The following CCDC93 variants were observed in gnomAD, a reference collection of about 807,000 sequenced individuals.
The protein encoded by CCDC93 is coiled-coil domain-containing protein 93.
In CCDC93, 61 loss-of-function variants were observed where a neutral mutation model predicts 108.2. The ratio of observed to expected loss-of-function variants is 0.56; its 90% CI spans 0.46 to 0.70. The LOEUF (loss-of-function observed/expected upper bound fraction) is 0.70, where lower values mean the gene tolerates loss of function less well. Ranked by LOEUF, CCDC93 falls within the 30% of genes least tolerant of loss-of-function variation. CCDC93 has a pLI of 0.00. For synonymous variants in CCDC93, 276 were observed against 260.4 expected, an observed-to-expected ratio of 1.06 and a Z score of -0.58; for missense variants, 685 against 764.2, an observed-to-expected ratio of 0.90 and a Z score of 1.22.
At chr2:118,012,494 A>G (rs1351186541) in intron 1 of CCDC93, 1 of 152,172 alleles carries the variant, frequency 6.6e-6, no homozygotes, top group African/African-American at 2.4e-5. Context: ...TTCCCCCCAG[A>G]AAGACCTCCA....
chr2:117,934,549 G>C (rs993767360), intron 22 of CCDC93: 4 of 153,840 alleles, frequency 2.6e-5, no homozygotes, highest in Non-Finnish European at 5.9e-5. Context: ...CATTCACAGA[G>C]AGATTAATGA....
chr2:117,961,647 A>G (rs1310977460), intron 11 of CCDC93, among the ~76,000 whole-genome samples: 1 of 152,252 alleles, frequency 6.6e-6, no homozygotes, highest in African/African-American at 2.4e-5. Context: ...AGACAGGAAC[A>G]GGTCCGTAAA....
chr2:118,006,548 G>C (rs1676875182), intron 3 of CCDC93, among the ~76,000 whole-genome samples, 174 bp downstream of exon 3: 1 of 152,216 alleles, frequency 6.6e-6, no homozygotes. Context: ...TGATCTAGCT[G>C]TGTGACCTTG....
chr2:117,993,163 G>A (rs555172098), intron 6 of CCDC93, among the ~76,000 whole-genome samples: 6 of 152,260 alleles, frequency 3.9e-5, no homozygotes, highest in Non-Finnish European at 7.4e-5. Context: ...TTGGGAGGCC[G>A]AGGTGGGCGG....
In CCDC93 at chr2:117,986,058, C is replaced by T. The variant is rs765364894; in HGVS notation, c.531G>A (p.Lys177=). The T allele has an allele frequency of 6.2e-7, 1 of 1,607,134 alleles. No homozygotes were observed. The highest frequency in any genetic ancestry group is 1.3e-5 in the African/African-American group (1 of 74,638). Residue 177 remains lysine, a synonymous_variant, in exon 7 of 24, where the codon AAG becomes AAA. Coordinates refer to ENST00000376300, the MANE Select transcript of CCDC93 (RefSeq NM_019044.5). ...GGTGGCGTTTGTATTTCCGACGGGG[C>T]TTGTACACTTCCTAAGTGGATGAGA... ...KTVVDLSEVY[K]PRRKYKRHQG...
chr2:117,936,777 G>A, intron 20 of CCDC93, 38 bp from the exon 21 acceptor site: 1 of 1,574,922 alleles, frequency 6.3e-7, no homozygotes, highest in Non-Finnish European at 8.7e-7. Context: ...TATAAGACAG[G>A]CAAAAAGATT....
At chr2:117,996,672 G>A (rs1182837237) in intron 4 of CCDC93, 1 of 209,776 alleles carries the variant, frequency 4.8e-6, no homozygotes, top group Non-Finnish European at 9.7e-6. Context: ...GCTAACATGG[G>A]AGTAAATGAA....
chr2:118,013,865 G>T, intron 1 of CCDC93, 89 bp downstream of exon 1: 1 of 1,193,862 alleles, frequency 8.4e-7, no homozygotes, highest in Non-Finnish European at 1.2e-6. Context: ...CGCCCCTAAC[G>T]CACCCAGGGC....
intron 11 of CCDC93, among the ~76,000 whole-genome samples, chr2:117,961,032 T>C (rs1422367791): frequency 6.6e-6 from 1 of 152,108 alleles, no homozygotes; most frequent in East Asian, 1.9e-4. Context: ...CTGAAAGTAT[T>C]ATAAAATGTT....
chr2:117,949,677 G>T, intron 13 of CCDC93: 2 of 811,762 alleles, frequency 2.5e-6, no homozygotes, highest in Non-Finnish European at 3.0e-6. Context: ...AATTTTGTAC[G>T]ATGTGAATGT....
At chr2:117,959,303 G>T (rs551252832) in intron 11 of CCDC93, among the ~76,000 whole-genome samples, 14 of 152,182 alleles carry the variant, frequency 9.2e-5, no homozygotes, top group Admixed American at 6.5e-4. Context: ...TTTGCAATAA[G>T]TGCAATTATA....
At chr2:117,955,860 T>C (rs1047957601) in intron 12 of CCDC93, among the ~76,000 whole-genome samples, 1 of 152,156 alleles carries the variant, frequency 6.6e-6, no homozygotes, top group South Asian at 2.1e-4. Context: ...TGAAGGGGCA[T>C]ACATTTTTGC....
intron 6 of CCDC93, among the ~76,000 whole-genome samples, chr2:117,991,598 A>G (rs959516063): frequency 6.6e-6 from 1 of 152,208 alleles, no homozygotes; most frequent in African/African-American, 2.4e-5. Context: ...ATAATAACAT[A>G]TAACTCCTGG....
intron 21 of CCDC93, 72 bp downstream of exon 21, chr2:117,936,630 A>C: frequency 8.6e-7 from 1 of 1,159,804 alleles, no homozygotes; most frequent in Admixed American, 1.7e-5. Flanking sequence ...ACATTATAGC[A>C]ATGTGAGGTG....
chr2:117,996,549 C>G, intron 4 of CCDC93, 187 bp from the exon 5 acceptor site: 2 of 531,430 alleles, frequency 3.8e-6, no homozygotes, highest in Non-Finnish European at 6.8e-6. Context: ...ATGTTAAGAT[C>G]CAATGGGACC....
intron 23 of CCDC93, among the ~76,000 whole-genome samples, chr2:117,924,560 G>A (rs767473919): frequency 2.6e-5 from 4 of 152,280 alleles, no homozygotes; most frequent in Admixed American, 6.5e-5. Flanking sequence ...AAAATCAAGC[G>A]AGAAGAGGGG....
chr2:117,943,386 T>G (rs974823053), intron 18 of CCDC93, among the ~76,000 whole-genome samples: 2 of 152,198 alleles, frequency 1.3e-5, no homozygotes, highest in Admixed American at 6.5e-5. Context: ...CTTTAAAGAT[T>G]AGTAGTCTGT....
intron 8 of CCDC93, among the ~76,000 whole-genome samples, chr2:117,976,712 T>C (rs144154190): frequency 7.8e-4 from 119 of 152,234 alleles, no homozygotes; most frequent in African/African-American, 2.8e-3. Flanking sequence ...ACTCAGCGAA[T>C]AGAGGAGCTG....
At chr2:117,992,560 G>A (rs1374533325) in intron 6 of CCDC93, among the ~76,000 whole-genome samples, 1 of 152,044 alleles carries the variant, frequency 6.6e-6, no homozygotes, top group African/African-American at 2.4e-5. Flanking sequence ...CCTTTATTCT[G>A]ATACTATTTT....
Sources: allele counts gnomAD v4.1 joint callset (sites outside exome capture counted in the v4.1 genomes callset), GRCh38; gene constraint gnomAD v4.1.1; transcripts MANE v1.5; gene names NCBI Gene and HGNC (gene_info 2026-07-23, HGNC 2026-07-21).